The following IKZF2 variants were observed in gnomAD, a reference collection of about 807,000 sequenced individuals.
IKZF2 encodes IKAROS family zinc finger 2.
IKZF2 carries 15 observed loss-of-function variants against 49.2 expected under a neutral mutation model. The ratio of observed to expected loss-of-function variants is 0.30; its 90% CI spans 0.20 to 0.47. The LOEUF is 0.47. IKZF2 is among the 20% of genes least tolerant of loss of function. The pLI, the probability that IKZF2 is intolerant of heterozygous loss-of-function variation, is 1.00. For missense variants in IKZF2, 567 were observed against 664.6 expected (o/e 0.85, Z 1.61); for synonymous variants, 227 against 221.4 (o/e 1.03, Z -0.23).
At chr2:213,117,967 T>C (rs574823723) in intron 4 of IKZF2, among the ~76,000 whole-genome samples, 108 of 152,298 alleles carry the variant, frequency 7.1e-4, no homozygotes, top group Non-Finnish European at 9.4e-4. Flanking sequence ...TTTTTCCTTT[T>C]AGCATTCAGT....
chr2:213,029,359 T>C (rs551458800), intron 6 of IKZF2, among the ~76,000 whole-genome samples: 3 of 152,186 alleles, frequency 2.0e-5, no homozygotes, highest in African/African-American at 7.2e-5. Context: ...ATGTGGGCTA[T>C]TCAGAGTGTA....
chr2:213,140,212 G>A (rs1038292719), intron 4 of IKZF2, among the ~76,000 whole-genome samples: 25 of 151,796 alleles, frequency 1.6e-4, no homozygotes, highest in Admixed American at 1.1e-3. Flanking sequence ...GGTAGTCAGC[G>A]CTTACATTTT....
intron 4 of IKZF2, among the ~76,000 whole-genome samples, chr2:213,131,281 T>C (rs1029991942): frequency 2.0e-5 from 3 of 152,180 alleles, no homozygotes; most frequent in Non-Finnish European, 4.4e-5. Context: ...ATTTGATTCA[T>C]AGGATTCTAA....
At chr2:213,120,874 G>T (rs1311271760) in intron 4 of IKZF2, among the ~76,000 whole-genome samples, 1 of 152,106 alleles carries the variant, frequency 6.6e-6, no homozygotes, top group African/African-American at 2.4e-5. Context: ...TCAAGTAGCT[G>T]GGACTACGGG....
intron 4 of IKZF2, among the ~76,000 whole-genome samples, chr2:213,113,641 T>G (rs1224023638): frequency 6.6e-6 from 1 of 152,222 alleles, no homozygotes; most frequent in Non-Finnish European, 1.5e-5. Flanking sequence ...AAAGTTAATT[T>G]ACTTTGGAGG....
intron 4 of IKZF2, among the ~76,000 whole-genome samples, chr2:213,108,792 T>C (rs2059612090): frequency 6.6e-6 from 1 of 151,556 alleles, no homozygotes; most frequent in South Asian, 2.1e-4. Context: ...AAAAGTAATA[T>C]ATGCTTATTG....
intron 4 of IKZF2, among the ~76,000 whole-genome samples, chr2:213,108,359 T>C (rs2059599196): frequency 1.3e-5 from 2 of 152,174 alleles, no homozygotes; most frequent in South Asian, 4.1e-4. Flanking sequence ...GTACTACTTC[T>C]GCCATCCCCA....
intron 4 of IKZF2, among the ~76,000 whole-genome samples, chr2:213,079,314 G>A (rs1703637647): frequency 6.6e-6 from 1 of 151,928 alleles, no homozygotes; most frequent in Non-Finnish European, 1.5e-5. Context: ...AGGAGTTCAA[G>A]GCTGGAGTAA....
chr2:213,091,340 T>C (rs951353723), intron 4 of IKZF2, among the ~76,000 whole-genome samples: 1 of 152,200 alleles, frequency 6.6e-6, no homozygotes, highest in African/African-American at 2.4e-5. Context: ...GCTCTCATAA[T>C]GTTCTTGAGG....
In IKZF2 at chr2:213,064,438, A is replaced by T. The variant is rs139085667; in HGVS notation, c.140-7339T>A. ...TTTCATGGAAAAAAAATGTAAACGA[A>T]TGGAGGGCAAAATATCTAACTTCCT... On this transcript the variant is annotated intron_variant, in intron 4 of 8. Transcript: ENST00000434687. Among the ~76,000 whole-genome samples the T allele has an allele frequency of 4.8e-3, 729 of 152,116 alleles. 9 individuals are homozygous for T. Among genetic ancestry groups the T allele is most frequent in the African/African-American group, 0.017 (696 of 41,542 alleles).
At chr2:213,016,861 A>G (rs1696664650) in intron 7 of IKZF2, 1 of 152,128 alleles carries the variant, frequency 6.6e-6, no homozygotes. Flanking sequence ...TCACATGTCT[A>G]GCTCCTGAGC....
At chr2:213,112,176 T>C (rs1180315373) in intron 4 of IKZF2, among the ~76,000 whole-genome samples, 1 of 151,928 alleles carries the variant, frequency 6.6e-6, no homozygotes, top group African/African-American at 2.4e-5. Flanking sequence ...AGGGAAATTA[T>C]ATGCTCAGCA....
chr2:213,018,224 G>T (rs144363865), intron 7 of IKZF2, among the ~76,000 whole-genome samples: 1 of 152,102 alleles, frequency 6.6e-6, no homozygotes, highest in South Asian at 2.1e-4. Context: ...AAGATAATCT[G>T]CCATAAAACC....
intron 6 of IKZF2, among the ~76,000 whole-genome samples, chr2:213,046,314 G>C (rs1163804783): frequency 3.3e-5 from 5 of 152,144 alleles, no homozygotes; most frequent in African/African-American, 4.8e-5. Flanking sequence ...CAAGTATACT[G>C]TATGAGCAAG....
At chr2:213,094,272 A>G (rs978403408) in intron 4 of IKZF2, among the ~76,000 whole-genome samples, 78 of 152,240 alleles carry the variant, frequency 5.1e-4, no homozygotes, top group Non-Finnish European at 3.2e-4. Flanking sequence ...CTAGAGGTAA[A>G]GAGTAACTAA....
At chr2:213,120,863 C>T (rs1362793285) in intron 4 of IKZF2, among the ~76,000 whole-genome samples, 1 of 152,148 alleles carries the variant, frequency 6.6e-6, no homozygotes, top group African/African-American at 2.4e-5. Flanking sequence ...ACCTCAGCCC[C>T]TCAAGTAGCT....
At chr2:213,078,678 G>T (rs774887774) in intron 4 of IKZF2, among the ~76,000 whole-genome samples, 2 of 152,112 alleles carry the variant, frequency 1.3e-5, no homozygotes, top group Non-Finnish European at 2.9e-5. Flanking sequence ...AGTCCAGAAG[G>T]GTAATTTTAC....
At position 213,151,611 on chromosome 2, in the gene IKZF2, G is replaced by A. The variant is rs1468521045; in HGVS notation, c.-318C>T. ...CCATCTTCAGCGAGGAGCAGGGTTA[G>A]CCCGGGACAGCTGGTCAAACCCCGA... On this transcript the variant is annotated 5_prime_UTR_variant, in exon 1 of 9. Coordinates refer to ENST00000434687, the MANE Select transcript of IKZF2 (RefSeq NM_001387220.1). 6.6e-6 allele frequency: 1 copy of A among 152,300 alleles called. No individual in the cohort carries two copies. The highest frequency in any genetic ancestry group is 2.4e-5 in the African/African-American group (1 of 41,388). The allele number at this position is 152,300 out of a possible 1,614,324, so 9.4% of individuals were successfully genotyped here.
intron 4 of IKZF2, among the ~76,000 whole-genome samples, chr2:213,117,918 T>C (rs1190903801): frequency 6.6e-6 from 1 of 152,200 alleles, no homozygotes; most frequent in Non-Finnish European, 1.5e-5. Flanking sequence ...AACCCCTTCA[T>C]TTTATTTTTA....
Sources: allele counts gnomAD v4.1 joint callset (sites outside exome capture counted in the v4.1 genomes callset), GRCh38; gene constraint gnomAD v4.1.1; transcripts MANE v1.5; gene names NCBI Gene and HGNC (gene_info 2026-07-23, HGNC 2026-07-21).